Variants in LMX1B observed in about 807,000 individuals in gnomAD.
LMX1B encodes LIM homeobox transcription factor 1 beta, also known as LIM homeobox transcription factor 1-beta.
In LMX1B, 12 loss-of-function variants were observed where a neutral mutation model predicts 51.4. That is an observed-to-expected ratio of 0.23 (90% CI 0.15 to 0.38). LMX1B has a LOEUF of 0.38. Ranked by LOEUF, LMX1B falls within the 10% of genes least tolerant of loss-of-function variation. LMX1B has a pLI of 1.00. For synonymous variants in LMX1B, 237 were observed against 235.4 expected, an observed-to-expected ratio of 1.01 and a Z score of -0.06; for missense variants, 445 against 571.1, an observed-to-expected ratio of 0.78 and a Z score of 2.25.
At chr9:126,648,764 G>T (rs1588279146) in intron 2 of LMX1B, among the ~76,000 whole-genome samples, 1 of 152,146 alleles carries the variant, frequency 6.6e-6, no homozygotes, top group African/African-American at 2.4e-5. Flanking sequence ...GGGTGGCAAG[G>T]CTGCCTAGGA....
Position 126,699,393 on chromosome 9 carries a change from C to T in LMX1B, c.*2942C>T, listed in dbSNP as rs1397026144. The T allele has an allele frequency of 6.6e-6, 1 of 152,224 alleles. No homozygotes were observed. The highest frequency in any genetic ancestry group is 2.4e-5 in the African/African-American group (1 of 41,440). The allele number at this position is 152,224 out of a possible 1,614,324, so 9.4% of individuals were successfully genotyped here. On this transcript the variant is annotated 3_prime_UTR_variant, in exon 8 of 8. Coordinates refer to ENST00000373474, the MANE Select transcript of LMX1B (RefSeq NM_001174147.2). Reference sequence around the variant, plus strand: ...GGGGTCACATATTCCCATTCTGGGGCCTCACAAACCCCCGAATCCAGCCGG... The same window carrying T: ...GGGGTCACATATTCCCATTCTGGGGTCTCACAAACCCCCGAATCCAGCCGG...
At chr9:126,655,754 A>G (rs182668105) in intron 2 of LMX1B, among the ~76,000 whole-genome samples, 30 of 152,352 alleles carry the variant, frequency 2.0e-4, no homozygotes, top group Admixed American at 9.8e-4. Context: ...TTCACATAAC[A>G]TAAAATTCAC....
intron 2 of LMX1B, among the ~76,000 whole-genome samples, chr9:126,621,272 G>A (rs1041727369): frequency 2.0e-5 from 3 of 152,244 alleles, no homozygotes; most frequent in Admixed American, 6.5e-5. Context: ...CCAAGGAGCC[G>A]CGTGTGAGCT....
At chr9:126,665,806 G>C (rs1230686234) in intron 2 of LMX1B, among the ~76,000 whole-genome samples, 1 of 152,234 alleles carries the variant, frequency 6.6e-6, no homozygotes, top group African/African-American at 2.4e-5. Context: ...TGCCAGCCCG[G>C]GGCAGCTCAG....
At chr9:126,637,775 G>A (rs1295507405) in intron 2 of LMX1B, among the ~76,000 whole-genome samples, 1 of 151,868 alleles carries the variant, frequency 6.6e-6, no homozygotes, top group Non-Finnish European at 1.5e-5. Context: ...GCAGGGGAGG[G>A]CGGGGTGATG....
At chr9:126,621,770 A>G (rs1229619516) in intron 2 of LMX1B, among the ~76,000 whole-genome samples, 2 of 151,414 alleles carry the variant, frequency 1.3e-5, no homozygotes, top group Non-Finnish European at 2.9e-5. Flanking sequence ...TCTCAGAAAA[A>G]TGTTTCAAAG....
intron 4 of LMX1B, 83 bp downstream of exon 4, chr9:126,693,406 G>C: frequency 1.3e-6 from 2 of 1,548,986 alleles, no homozygotes; most frequent in Non-Finnish European, 1.8e-6. Context: ...GCTCCTGCTG[G>C]GGGTAGGGAC....
chr9:126,636,224 C>A (rs960658181), intron 2 of LMX1B, among the ~76,000 whole-genome samples: 4 of 152,154 alleles, frequency 2.6e-5, no homozygotes, highest in Admixed American at 2.0e-4. Context: ...TCCCCAGTGG[C>A]AGTAGCTTGT....
chr9:126,654,331 G>A (rs1465922384), intron 2 of LMX1B, among the ~76,000 whole-genome samples: 1 of 152,216 alleles, frequency 6.6e-6, no homozygotes, highest in Admixed American at 6.5e-5. Context: ...CTCCAGCCCT[G>A]ATTTCACGTA....
chr9:126,628,649 G>T lies in LMX1B; in HGVS notation c.326+13080G>T, dbSNP rs1462733983. The stretch of plus-strand genomic sequence containing the variant: ...CCCCGCCTTGACTGATAGTTGTTCT[G>T]TTGGAGTATGGTTCTAATCCTTATT... On this transcript the variant is annotated intron_variant, in intron 2 of 7. Coordinates refer to ENST00000373474, the MANE Select transcript of LMX1B (RefSeq NM_001174147.2). Among the ~76,000 whole-genome samples the T allele has an allele frequency of 2.0e-5, 3 of 152,306 alleles. No homozygotes were observed. In the East Asian group the frequency reaches 5.8e-4, roughly 29 times the overall value.
At chr9:126,694,481 A>T (rs2030257026) in intron 6 of LMX1B, among the ~76,000 whole-genome samples, 1 of 152,198 alleles carries the variant, frequency 6.6e-6, no homozygotes, top group South Asian at 2.1e-4. Flanking sequence ...AGGCCCCCTC[A>T]TCACTGGGCT....
At chr9:126,652,298 G>GC (rs1554724849) in intron 2 of LMX1B, among the ~76,000 whole-genome samples, 1 of 149,156 alleles carries the variant, frequency 6.7e-6, no homozygotes, top group Admixed American at 6.7e-5. Flanking sequence ...GGAGGAGAAG[G>GC]GGGGGGGGAT....
At chr9:126,631,457 C>T (rs1835636039) in intron 2 of LMX1B, among the ~76,000 whole-genome samples, 1 of 151,970 alleles carries the variant, frequency 6.6e-6, no homozygotes, top group South Asian at 2.1e-4. Context: ...CTGCTGATTC[C>T]CAGGAGTCCA....
At position 126,695,846 on chromosome 9, in the gene LMX1B, G is replaced by A. The variant is rs373033856; in HGVS notation, c.894G>A (p.Leu298=). The change falls in exon 7 of 8, where the codon CTG becomes CTA. Residue 298 remains leucine, a synonymous_variant. Transcript: ENST00000373474. This position sits in a 1 kb window ranked among gnomAD's most constrained non-coding sequence, Gnocchi z 5.2. ...GGCTCACTGTGCCCCCAGAGGTCCT[G>A]TCCAGCCGCATGGAGGGCATGATGG... ...QNSQRLGQEV[L]SSRMEGMMAS... The A allele has an allele frequency of 2.5e-6, 4 of 1,612,936 alleles. No homozygotes were observed. The African/African-American group carries it at 5.3e-5, about 22-fold the overall frequency.
Position 126,687,217 on chromosome 9 carries a change from C to CTT in LMX1B, c.327-3609_327-3608dup, listed in dbSNP as rs60473276. On this transcript the variant is annotated intron_variant, in intron 2 of 7. Transcript: ENST00000373474. ...CCCCATGGTCGGGGATGATCATTCC[C>CTT]TTTTTTTTTTTATTTTTTATATATT... Among the ~76,000 whole-genome samples, 820 of 148,420 alleles carry CTT rather than the reference C, an allele frequency of 5.5e-3. 8 individuals carry two copies. Among genetic ancestry groups the CTT allele is most frequent in the African/African-American group, 0.018 (717 of 40,420 alleles).
chr9:126,628,468 G>C (rs1835573391), intron 2 of LMX1B, among the ~76,000 whole-genome samples: 1 of 152,218 alleles, frequency 6.6e-6, no homozygotes, highest in Non-Finnish European at 1.5e-5. Context: ...CAAGGCGACA[G>C]ATCAGGAGAG....
Position 126,696,335 on chromosome 9 carries a change from T to C in LMX1B, c.1093T>C (p.Leu365=). 6.2e-7 allele frequency: 1 copy of C among 1,614,098 alleles called. No individual in the cohort carries two copies. Reference sequence around the variant, plus strand: ...CCATGACATCGACAGCGATACCTCCTTAACCAGCCTCAGCGACTGCTTCCT... The same window carrying C: ...CCATGACATCGACAGCGATACCTCCCTAACCAGCCTCAGCGACTGCTTCCT... ...IFHDIDSDTS[L]TSLSDCFLGS... is the part of the protein sequence containing the mutation. Residue 365 remains leucine, a synonymous_variant, in exon 8 of 8, where the codon TTA becomes CTA. Transcript: ENST00000373474.
Position 126,671,608 on chromosome 9 carries a change from G to A in LMX1B, c.327-19228G>A, listed in dbSNP as rs756139040. Among the ~76,000 whole-genome samples the A allele has an allele frequency of 6.6e-5, 10 of 152,226 alleles. No individual in the cohort carries two copies. The highest frequency in any genetic ancestry group is 3.3e-4 in the Admixed American group (5 of 15,292). ...CCCAGACGGGGCACTGCTCCAGGCC[G>A]GCTCTGGCTCTCTAATCCTGTATCT... On this transcript the variant is annotated intron_variant, in intron 2 of 7. Coordinates refer to ENST00000373474, the MANE Select transcript of LMX1B (RefSeq NM_001174147.2). This position sits in a 1 kb window ranked among gnomAD's most constrained non-coding sequence, Gnocchi z 4.4.
At chr9:126,667,660 T>A (rs1288985162) in intron 2 of LMX1B, among the ~76,000 whole-genome samples, 1 of 152,150 alleles carries the variant, frequency 6.6e-6, no homozygotes, top group Non-Finnish European at 1.5e-5. Context: ...CTCAAAGCCA[T>A]AAGAGAACAA....
Sources: allele counts gnomAD v4.1 joint callset (sites outside exome capture counted in the v4.1 genomes callset), GRCh38; gene constraint gnomAD v4.1.1; non-coding constraint Gnocchi (gnomAD v3.1); transcripts MANE v1.5; gene names NCBI Gene and HGNC (gene_info 2026-07-23, HGNC 2026-07-21).